TMEM87B: variants seen among roughly 807,000 people sequenced by gnomAD.
TMEM87B encodes transmembrane protein 87B.
A neutral mutation model predicts 80.3 loss-of-function variants in TMEM87B; 83 were observed. That is an observed-to-expected ratio of 1.03 (90% CI 0.87 to 1.24). The LOEUF (loss-of-function observed/expected upper bound fraction) is 1.24. Ranked by LOEUF, TMEM87B falls within the 50% of genes most tolerant of loss-of-function variation. The pLI is 0.00. For missense variants in TMEM87B, 625 were observed against 674.4 expected (o/e 0.93, Z 0.81); for synonymous variants, 219 against 230.5 (o/e 0.95, Z 0.45).
chr2:112,092,278 C>T (rs550982871), intron 11 of TMEM87B, among the ~76,000 whole-genome samples: 8 of 152,132 alleles, frequency 5.3e-5, no homozygotes, highest in Admixed American at 6.5e-5. Flanking sequence ...CTAGGAAGAA[C>T]GGAGGGGAGC....
chr2:112,079,359 G>T (rs539210169), intron 6 of TMEM87B, among the ~76,000 whole-genome samples: 1 of 152,152 alleles, frequency 6.6e-6, no homozygotes, highest in Admixed American at 6.5e-5. Flanking sequence ...GTGAAAATGT[G>T]CAGTATTTGT....
intron 1 of TMEM87B, among the ~76,000 whole-genome samples, 178 bp downstream of exon 1, chr2:112,055,934 C>T (rs576259042): frequency 7.9e-5 from 12 of 152,356 alleles, no homozygotes; most frequent in Admixed American, 1.3e-4. Context: ...GCCCCTCCTC[C>T]GGCCCGACCT....
chr2:112,091,862 A>T, intron 11 of TMEM87B, 79 bp downstream of exon 11: 1 of 1,161,050 alleles, frequency 8.6e-7, no homozygotes, highest in Non-Finnish European at 1.3e-6. Flanking sequence ...TAACAATAGA[A>T]AGAAATACAG....
intron 15 of TMEM87B, among the ~76,000 whole-genome samples, chr2:112,100,922 A>G (rs1679612801): frequency 6.6e-6 from 1 of 152,198 alleles, no homozygotes; most frequent in African/African-American, 2.4e-5. Context: ...AAATGTTGAA[A>G]TAGTTACACT....
At chr2:112,093,196 T>C (rs1401780302) in intron 11 of TMEM87B, among the ~76,000 whole-genome samples, 1 of 152,218 alleles carries the variant, frequency 6.6e-6, no homozygotes, top group East Asian at 1.9e-4. Context: ...TCTGAGCCAC[T>C]TGTGGGTTGT....
intron 15 of TMEM87B, among the ~76,000 whole-genome samples, chr2:112,101,551 C>A (rs778174400): frequency 1.1e-4 from 16 of 152,078 alleles, no homozygotes; most frequent in Non-Finnish European, 2.1e-4. Flanking sequence ...TGACCAGAAG[C>A]CTTACTGTTA....
chr2:112,076,856 G>T (rs1182549298), intron 5 of TMEM87B, among the ~76,000 whole-genome samples: 2 of 38,218 alleles, frequency 5.2e-5, no homozygotes, highest in African/African-American at 1.5e-4. Context: ...GTGTGTGTGT[G>T]TGTGTGTGTG....
intron 6 of TMEM87B, among the ~76,000 whole-genome samples, chr2:112,079,926 CTT>C (rs61341379): frequency 6.0e-5 from 5 of 84,018 alleles, no homozygotes; most frequent in Non-Finnish European, 8.9e-5. Context: ...GGTCCCTTGC[CTT>C]TTTTTTTTTT....
At chr2:112,068,210 G>A (rs560974047) in intron 4 of TMEM87B, among the ~76,000 whole-genome samples, 48 of 152,268 alleles carry the variant, frequency 3.2e-4, no homozygotes, top group African/African-American at 6.5e-4. Context: ...GCGAGACTCC[G>A]TCTCAAAAAA....
intron 1 of TMEM87B, among the ~76,000 whole-genome samples, chr2:112,058,715 C>G (rs1678158237): frequency 6.6e-6 from 1 of 152,182 alleles, no homozygotes; most frequent in South Asian, 2.1e-4. Context: ...ATTATAGGAT[C>G]AGATCTGGAG....
At chr2:112,078,826 G>C (rs1678900560) in intron 6 of TMEM87B, among the ~76,000 whole-genome samples, 1 of 152,180 alleles carries the variant, frequency 6.6e-6, no homozygotes, top group African/African-American at 2.4e-5. Context: ...TTACGTCAAG[G>C]AAGATAAGGT....
intron 9 of TMEM87B, among the ~76,000 whole-genome samples, chr2:112,086,471 G>A (rs1679147844): frequency 6.6e-6 from 1 of 152,170 alleles, no homozygotes; most frequent in South Asian, 2.1e-4. Flanking sequence ...TAAACACCAA[G>A]TCAGCAAAAC....
At chr2:112,069,490 GGACAC>G (rs1184147473) in intron 4 of TMEM87B, among the ~76,000 whole-genome samples, 1 of 152,138 alleles carries the variant, frequency 6.6e-6, no homozygotes, top group Non-Finnish European at 1.5e-5. Flanking sequence ...TCCCTGCAAA[GGACAC>G]GATCTCCTTT....
At chr2:112,076,782 T>A (rs1678829445) in intron 5 of TMEM87B, among the ~76,000 whole-genome samples, 1 of 151,680 alleles carries the variant, frequency 6.6e-6, no homozygotes, top group Admixed American at 6.6e-5. Context: ...TCTGGAAGGA[T>A]GGTGTTTAAA....
intron 5 of TMEM87B, 92 bp from the exon 6 acceptor site, chr2:112,077,100 C>A: frequency 3.4e-5 from 17 of 506,590 alleles, no homozygotes; most frequent in South Asian, 9.0e-5. Flanking sequence ...TAACCCGATT[C>A]AATTACTTTA....
intron 2 of TMEM87B, among the ~76,000 whole-genome samples, chr2:112,063,124 C>T (rs942521581): frequency 1.3e-5 from 2 of 152,172 alleles, no homozygotes; most frequent in African/African-American, 4.8e-5. Context: ...TCCTTGCTTC[C>T]TGTTATTCAT....
rs1680076682 is a variant in TMEM87B at position 112,118,297 on chromosome 2, G to C, written c.*2154G>C. On this transcript the variant is annotated 3_prime_UTR_variant, in exon 19 of 19. Transcript: ENST00000283206. ...GTTCACAGGAAGGACACCAGGAGAA[G>C]TTATACCTAGGGCTACTGAGCAGCT... 6.6e-6 allele frequency: 1 copy of C among 152,158 alleles called. No individual in the cohort carries two copies. The highest frequency in any genetic ancestry group is 2.4e-5 in the African/African-American group (1 of 41,414). The allele number at this position is 152,158 out of a possible 1,614,324, so 9.4% of individuals were successfully genotyped here. A position where few individuals can be genotyped will look rare whatever the true frequency, so the allele number is the denominator to read the frequency against.
intron 1 of TMEM87B, among the ~76,000 whole-genome samples, chr2:112,059,377 G>T (rs905042213): frequency 6.6e-6 from 1 of 151,758 alleles, no homozygotes; most frequent in Non-Finnish European, 1.5e-5. Context: ...TTTGAGCTGG[G>T]CTTTGAAGGG....
At chr2:112,083,476 G>A (rs1195763451) in intron 8 of TMEM87B, among the ~76,000 whole-genome samples, 2 of 152,244 alleles carry the variant, frequency 1.3e-5, no homozygotes, top group Non-Finnish European at 2.9e-5. Context: ...ACCAGTGACT[G>A]CTGTATTGGA....
Sources: allele counts gnomAD v4.1 joint callset (sites outside exome capture counted in the v4.1 genomes callset), GRCh38; gene constraint gnomAD v4.1.1; transcripts MANE v1.5; gene names NCBI Gene and HGNC (gene_info 2026-07-23, HGNC 2026-07-21).